The following TNIP3 variants were observed in gnomAD, a reference collection of about 807,000 sequenced individuals.
TNIP3 encodes TNFAIP3-interacting protein 3.
A neutral mutation model predicts 54.1 loss-of-function variants in TNIP3; 34 were observed. The observed-to-expected ratio is 0.63, with a 90% CI of 0.48 to 0.84. The LOEUF is 0.84. TNIP3 is among the 40% of genes least tolerant of loss of function. TNIP3 has a pLI of 0.00. For missense variants in TNIP3, 366 were observed against 387.6 expected, an observed-to-expected ratio of 0.94 and a Z score of 0.47; for synonymous variants, 134 against 136.8, an observed-to-expected ratio of 0.98 and a Z score of 0.14.
At chr4:121,211,223 C>A (rs1410488282) in intron 2 of TNIP3, among the ~76,000 whole-genome samples, 2 of 152,106 alleles carry the variant, frequency 1.3e-5, no homozygotes, top group Non-Finnish European at 2.9e-5. Context: ...ATTTAACTAA[C>A]AGAGCAGAAT....
upstream of TNIP3, among the ~76,000 whole-genome samples, chr4:121,218,887 C>G (rs1485152359): frequency 6.6e-6 from 1 of 152,012 alleles, no homozygotes; most frequent in African/African-American, 2.4e-5. Context: ...TTCTGAGAAC[C>G]AAAAGATTTA....
rs147214662 is a variant in TNIP3 at position 121,138,439 on chromosome 4, G to A, written c.946+185C>T. Among the ~76,000 whole-genome samples, 598 of 152,290 alleles carry A rather than the reference G, an allele frequency of 3.9e-3. 4 individuals are homozygous for A. Among genetic ancestry groups the A allele is most frequent in the African/African-American group, 0.013 (559 of 41,564 alleles). On this transcript the variant is annotated intron_variant, in intron 10 of 10. Coordinates refer to ENST00000057513, the MANE Select transcript of TNIP3 (RefSeq NM_024873.6). The stretch of plus-strand genomic sequence containing the variant: ...TTGAGGTTCATGCATTTCTGCATTC[G>A]CACATTTTCTTTGTCTTAAGGAGTT...
chr4:121,182,283 C>A (rs956307266), intron 3 of TNIP3, among the ~76,000 whole-genome samples: 3 of 151,980 alleles, frequency 2.0e-5, no homozygotes, highest in African/African-American at 7.3e-5. Flanking sequence ...TACAAAAATA[C>A]AAAACGAAAC....
At chr4:121,224,319 T>A (rs1727167616) in intron 1 of TNIP3, among the ~76,000 whole-genome samples, 1 of 151,368 alleles carries the variant, frequency 6.6e-6, no homozygotes. Flanking sequence ...GCAGAGATTG[T>A]GCTACTGCAC....
chr4:121,163,863 G>T (rs985250497), intron 1 of TNIP3, among the ~76,000 whole-genome samples, 197 bp downstream of exon 1: 3 of 152,134 alleles, frequency 2.0e-5, no homozygotes, highest in African/African-American at 7.2e-5. Context: ...TTTAAGCCCC[G>T]TGGGTTAAAA....
At chr4:121,182,099 T>C (rs1453182501) in intron 3 of TNIP3, among the ~76,000 whole-genome samples, 1 of 152,160 alleles carries the variant, frequency 6.6e-6, no homozygotes, top group East Asian at 1.9e-4. Context: ...TTACAGAGTT[T>C]AAGAGTTCAT....
Position 121,142,397 on chromosome 4 carries a change from G to T in TNIP3, c.786+329C>A, listed in dbSNP as rs374317418. On this transcript the variant is annotated intron_variant, in intron 8 of 10. Coordinates refer to ENST00000057513, the MANE Select transcript of TNIP3 (RefSeq NM_024873.6). ...GCATGTTATTTTTTCAAAAGAGGCA[G>T]TATTTGATTTAGTTTTCTACTGTTA... Among the ~76,000 whole-genome samples, 16 of 152,308 alleles carry T rather than the reference G, an allele frequency of 1.1e-4. No individual in the cohort carries two copies. In the East Asian group the frequency reaches 1.7e-3, roughly 17 times the overall value.
At chr4:121,226,093 G>A (rs1165374514) in intron 1 of TNIP3, among the ~76,000 whole-genome samples, 1 of 151,548 alleles carries the variant, frequency 6.6e-6, no homozygotes, top group Non-Finnish European at 1.5e-5. Context: ...AGAGACAGTA[G>A]GACCAAGCAG....
intron 3 of TNIP3, among the ~76,000 whole-genome samples, chr4:121,179,189 G>A (rs530295970): frequency 3.9e-4 from 59 of 152,326 alleles, no homozygotes; most frequent in Non-Finnish European, 7.1e-4. Flanking sequence ...CTAGAACACA[G>A]GGTGCACTTT....
At chr4:121,198,936 G>A (rs1725738902) in intron 2 of TNIP3, among the ~76,000 whole-genome samples, 1 of 152,154 alleles carries the variant, frequency 6.6e-6, no homozygotes, top group South Asian at 2.1e-4. Context: ...ATGAGAAAGA[G>A]ACTGCCTTTA....
In TNIP3 at chr4:121,157,092, A is replaced by G; in HGVS notation, c.363+2T>C. 6.2e-7 allele frequency: 1 copy of G among 1,613,056 alleles called. No homozygotes were observed. Among genetic ancestry groups the G allele is most frequent in the East Asian group, 2.2e-5 (1 of 44,826 alleles). ...GGGCTCGAGGACCCGGGCCCCGCCCACCTCCTCCCGCTGCAGCCGGTCCCG... is the reference window on the plus strand; with the variant it reads ...GGGCTCGAGGACCCGGGCCCCGCCCGCCTCCTCCCGCTGCAGCCGGTCCCG... On this transcript the variant is annotated splice_donor_variant, in intron 4 of 10. Transcript: ENST00000057513. LOFTEE classifies it high-confidence loss of function.
intron 2 of TNIP3, among the ~76,000 whole-genome samples, chr4:121,192,545 G>A (rs143938699): frequency 2.0e-3 from 311 of 152,220 alleles, no homozygotes; most frequent in African/African-American, 6.9e-3. Flanking sequence ...CTCCTGAAAA[G>A]CTTCTATCGA....
Position 121,158,704 on chromosome 4 carries a change from C to G in TNIP3, c.196G>C (p.Glu66Gln), listed in dbSNP as rs897563827. The G allele has an allele frequency of 3.7e-6, 6 of 1,612,660 alleles. No homozygotes were observed. The African/African-American group carries it at 6.7e-5, about 18-fold the overall frequency. The change falls in exon 3 of 11, where the codon GAG becomes CAG. Residue 66 changes from glutamate (E) to glutamine (Q), a missense_variant. Transcript: ENST00000057513. ...GTATTTACCTTTCTTTCATATAACTCTTTCATACTTCTAAATTGCTGATCC... is the reference window on the plus strand; with the variant it reads ...GTATTTACCTTTCTTTCATATAACTGTTTCATACTTCTAAATTGCTGATCC... ...QWDQQFRSMK[E>Q]LYERKVAELK...
intron 2 of TNIP3, among the ~76,000 whole-genome samples, chr4:121,160,837 A>G (rs955122637): frequency 6.6e-6 from 1 of 152,228 alleles, no homozygotes; most frequent in African/African-American, 2.4e-5. Flanking sequence ...GGCATAAAGG[A>G]TAAAGTAACT....
intron 3 of TNIP3, among the ~76,000 whole-genome samples, chr4:121,171,979 T>G (rs528323399): frequency 5.3e-5 from 8 of 152,312 alleles, no homozygotes; most frequent in South Asian, 4.1e-4. Flanking sequence ...ATGATCCACC[T>G]GCCTCAGCCT....
intron 2 of TNIP3, among the ~76,000 whole-genome samples, chr4:121,185,902 T>C (rs1395719102): frequency 6.6e-6 from 1 of 152,238 alleles, no homozygotes; most frequent in Non-Finnish European, 1.5e-5. Context: ...AATAATCACA[T>C]GCAGTCATCA....
chr4:121,215,442 C>T (rs547515941), intron 2 of TNIP3, among the ~76,000 whole-genome samples: 56 of 152,298 alleles, frequency 3.7e-4, no homozygotes, highest in Admixed American at 3.4e-3. Context: ...TAGTCTCTCA[C>T]TCAAGAGAGA....
rs763941496 is a variant in TNIP3 at position 121,158,652 on chromosome 4, T to C, written c.213+35A>G. On this transcript the variant is annotated intron_variant, in intron 3 of 10. Transcript: ENST00000057513. Reference sequence around the variant, plus strand: ...CAATTGGCCCCACCAGGATAATGGCTTTAAAGAAAATACCGAATAGAGAGA... The same window carrying C: ...CAATTGGCCCCACCAGGATAATGGCCTTAAAGAAAATACCGAATAGAGAGA... 14 of 1,555,914 alleles carry C rather than the reference T, an allele frequency of 9.0e-6. 1 individual carries two copies. The South Asian group carries it at 1.5e-4, about 16-fold the overall frequency.
At chr4:121,200,522 A>G (rs1725823522) in intron 2 of TNIP3, among the ~76,000 whole-genome samples, 1 of 152,118 alleles carries the variant, frequency 6.6e-6, no homozygotes, top group Admixed American at 6.5e-5. Context: ...CTCTGGATTC[A>G]TAGAGACCCC....
Sources: allele counts gnomAD v4.1 joint callset (sites outside exome capture counted in the v4.1 genomes callset), GRCh38; gene constraint gnomAD v4.1.1; transcripts MANE v1.5; gene names NCBI Gene and HGNC (gene_info 2026-07-23, HGNC 2026-07-21).